Variants in KDM4C observed in about 807,000 individuals in gnomAD.
The protein encoded by KDM4C is lysine demethylase 4C.
Under a neutral mutation model 129.3 loss-of-function variants are expected in KDM4C, and 81 were observed. The observed-to-expected ratio is 0.63, with a 90% CI of 0.52 to 0.75. The LOEUF is 0.75. KDM4C is among the 30% of genes least tolerant of loss of function. KDM4C has a pLI of 0.00. For missense variants in KDM4C, 1,457 were observed against 1,304.0 expected (o/e 1.12, Z -1.81); for synonymous variants, 573 against 456.1 (o/e 1.26, Z -3.26).
At chr9:6,816,091 T>G (rs182537077) in intron 4 of KDM4C, among the ~76,000 whole-genome samples, 74 of 152,302 alleles carry the variant, frequency 4.9e-4, no homozygotes, top group African/African-American at 1.7e-3. Flanking sequence ...AGTCAAGGAT[T>G]CCCCTTTGTA....
rs116677613 is a variant in KDM4C, at chr9:6,734,214, A to T, written c.49+13217A>T. 9.5e-3 allele frequency among the ~76,000 whole-genome samples: 1,437 copies of T among 150,658 alleles called. 22 individuals carry two copies. The highest frequency in any genetic ancestry group is 0.033 in the African/African-American group (1,369 of 40,922). Reference sequence around the variant, plus strand: ...TGCAGCTGTCCCCAGAAAGAGATTGATCTTTTCTAGGCTGCTACCTGGATA... The same window carrying T: ...TGCAGCTGTCCCCAGAAAGAGATTGTTCTTTTCTAGGCTGCTACCTGGATA... On this transcript the variant is annotated intron_variant, in intron 1 of 17. Transcript: ENST00000536108.
At chr9:6,897,153 A>T (rs1407906521) in intron 8 of KDM4C, among the ~76,000 whole-genome samples, 5 of 152,144 alleles carry the variant, frequency 3.3e-5, no homozygotes, top group Non-Finnish European at 7.4e-5. Context: ...TTCAGTCCAG[A>T]TGGTCTTTTT....
chr9:6,869,514 C>G (rs531117637), intron 5 of KDM4C, among the ~76,000 whole-genome samples: 2 of 152,320 alleles, frequency 1.3e-5, no homozygotes, highest in East Asian at 3.9e-4. Flanking sequence ...TATAGTGCTC[C>G]AGGAATAATA....
intron 8 of KDM4C, among the ~76,000 whole-genome samples, chr9:6,941,271 A>T (rs1213080897): frequency 2.0e-5 from 3 of 152,080 alleles, no homozygotes. Context: ...AGCCTCCCAG[A>T]GTTCTGGGAT....
chr9:7,151,658 G>A (rs988669098), intron 19 of KDM4C, among the ~76,000 whole-genome samples: 6 of 152,188 alleles, frequency 3.9e-5, no homozygotes, highest in African/African-American at 9.6e-5. Context: ...CGGCCTGGGC[G>A]ACAGGAGTGA....
intron 6 of KDM4C, among the ~76,000 whole-genome samples, chr9:6,880,444 T>C (rs1844262120): frequency 6.6e-6 from 1 of 152,128 alleles, no homozygotes; most frequent in South Asian, 2.1e-4. Context: ...TGCTGCATCT[T>C]GGGGTATGGT....
intron 1 of KDM4C, among the ~76,000 whole-genome samples, chr9:6,769,667 G>T (rs1470212336): frequency 2.0e-5 from 3 of 152,160 alleles, no homozygotes; most frequent in African/African-American, 7.2e-5. Flanking sequence ...AGTACTCAAA[G>T]AGTTGTCAAT....
At chr9:6,993,723 C>G (rs188049457) in intron 12 of KDM4C, among the ~76,000 whole-genome samples, 4 of 152,210 alleles carry the variant, frequency 2.6e-5, no homozygotes, top group Admixed American at 2.6e-4. Context: ...GATGAACCCA[C>G]TGAAGGGCGG....
intron 15 of KDM4C, among the ~76,000 whole-genome samples, chr9:7,024,651 A>C (rs1410338176): frequency 6.6e-6 from 1 of 152,150 alleles, no homozygotes; most frequent in Non-Finnish European, 1.5e-5. Flanking sequence ...TGTCCCTGCA[A>C]AGGGCATGAA....
intron 8 of KDM4C, among the ~76,000 whole-genome samples, chr9:6,980,223 T>C (rs940481602): frequency 6.6e-6 from 1 of 152,178 alleles, no homozygotes; most frequent in African/African-American, 2.4e-5. Flanking sequence ...GTGAAGTCTT[T>C]ATAGAAAACT....
intron 4 of KDM4C, chr9:6,815,028 A>T (rs573042335): frequency 4.3e-6 from 1 of 233,182 alleles, no homozygotes; most frequent in Non-Finnish European, 8.2e-6. Context: ...AAAATACATT[A>T]TAAAAATGTT....
chr9:7,129,014 G>C (rs1005973929), intron 19 of KDM4C, among the ~76,000 whole-genome samples: 1 of 152,162 alleles, frequency 6.6e-6, no homozygotes, highest in East Asian at 1.9e-4. Context: ...TGACTGAGAG[G>C]AGAGTGAGTT....
chr9:7,111,510 C>T (rs767725858), intron 18 of KDM4C, among the ~76,000 whole-genome samples: 10 of 151,818 alleles, frequency 6.6e-5, no homozygotes, highest in Non-Finnish European at 1.2e-4. Context: ...AGTGAGTTTA[C>T]GTTTATATAA....
intron 17 of KDM4C, among the ~76,000 whole-genome samples, chr9:7,066,751 G>T (rs1225069108): frequency 1.3e-5 from 2 of 152,154 alleles, no homozygotes; most frequent in African/African-American, 4.8e-5. Flanking sequence ...ATAATGCAGG[G>T]ATTATATTGT....
chr9:6,961,036 A>G (rs1190293002), intron 8 of KDM4C, among the ~76,000 whole-genome samples: 4 of 152,206 alleles, frequency 2.6e-5, no homozygotes, highest in Admixed American at 2.0e-4. Context: ...GGACACTCTC[A>G]AATTCACTTT....
chr9:7,061,638 A>T (rs760705915), intron 17 of KDM4C, among the ~76,000 whole-genome samples: 2 of 152,038 alleles, frequency 1.3e-5, no homozygotes, highest in Non-Finnish European at 2.9e-5. Context: ...TCAGAGCCCA[A>T]TGAGGCAGGA....
At chr9:7,097,472 C>T (rs964308850) in intron 17 of KDM4C, among the ~76,000 whole-genome samples, 2 of 152,200 alleles carry the variant, frequency 1.3e-5, no homozygotes, top group African/African-American at 4.8e-5. Context: ...TGCCTACACT[C>T]TCCTGCCACA....
chr9:7,026,207 G>C (rs1010613462), intron 15 of KDM4C, among the ~76,000 whole-genome samples: 1 of 110,234 alleles, frequency 9.1e-6, no homozygotes, highest in Non-Finnish European at 2.0e-5. Context: ...GCCATCTCAA[G>C]AAAAAAAAAA....
At position 7,010,339 on chromosome 9, in the gene KDM4C, TATG is replaced by T. The variant is rs543986830; in HGVS notation, c.1787-1356_1787-1354del. On this transcript the variant is annotated intron_variant, in intron 12 of 21. Coordinates refer to ENST00000381309, the MANE Select transcript of KDM4C (RefSeq NM_015061.6). ...ACAACAACCATGATAACGTGATTATTATGATAATAATGCCACCCTTTGTGCTAC... is the reference window on the plus strand; with the variant it reads ...ACAACAACCATGATAACGTGATTATTATAATAATGCCACCCTTTGTGCTAC... 1.9e-3 allele frequency among the ~76,000 whole-genome samples: 285 copies of T among 152,354 alleles called. 1 individual carries two copies. Among genetic ancestry groups the T allele is most frequent in the African/African-American group, 6.6e-3 (273 of 41,586 alleles).
Sources: allele counts gnomAD v4.1 joint callset (sites outside exome capture counted in the v4.1 genomes callset), GRCh38; gene constraint gnomAD v4.1.1; transcripts MANE v1.5; gene names NCBI Gene and HGNC (gene_info 2026-07-23, HGNC 2026-07-21).